Variants in MBOAT1 observed in about 807,000 individuals in gnomAD.
The protein encoded by MBOAT1 is membrane-bound glycerophospholipid O-acyltransferase 1.
MBOAT1 carries 67 observed loss-of-function variants against 64.4 expected under a neutral mutation model. That is an observed-to-expected ratio of 1.04 (90% CI 0.85 to 1.27). The LOEUF (loss-of-function observed/expected upper bound fraction) is 1.27. Ranked by LOEUF, MBOAT1 falls within the 50% of genes most tolerant of loss-of-function variation. The probability of loss-of-function intolerance (pLI) is 0.00; values close to 1 mark genes in which losing one functional copy is unlikely to be tolerated. For missense variants in MBOAT1, 563 were observed against 604.6 expected, an observed-to-expected ratio of 0.93 and a Z score of 0.72; for synonymous variants, 229 against 218.9, an observed-to-expected ratio of 1.05 and a Z score of -0.41.
chr6:20,151,151 T>A (rs1761480675), intron 3 of MBOAT1, 34 bp downstream of exon 3: 4 of 1,489,000 alleles, frequency 2.7e-6, no homozygotes, highest in Non-Finnish European at 2.8e-6. Flanking sequence ...AAAAAGAAAA[T>A]CTCACCTTGC....
intron 4 of MBOAT1, among the ~76,000 whole-genome samples, chr6:20,136,980 AG>A (rs1761015026): frequency 6.6e-6 from 1 of 152,228 alleles, no homozygotes; most frequent in Non-Finnish European, 1.5e-5. Flanking sequence ...GAGGCATAGT[AG>A]CACCATAATT....
At chr6:20,141,878 C>A (rs931910012) in intron 4 of MBOAT1, among the ~76,000 whole-genome samples, 2 of 151,984 alleles carry the variant, frequency 1.3e-5, no homozygotes, top group South Asian at 2.1e-4. Context: ...CACAAGGATG[C>A]GGGTAATAAA....
At chr6:20,128,890 AT>A (rs200663812) in intron 5 of MBOAT1, 137 bp from the exon 6 acceptor site, 2,570 of 560,982 alleles carry the variant, frequency 4.6e-3, no homozygotes, top group East Asian at 6.1e-3. Context: ...CCTGTTTTTC[AT>A]TTTTTTTTAA....
intron 1 of MBOAT1, among the ~76,000 whole-genome samples, chr6:20,170,147 C>T (rs532466496): frequency 2.6e-5 from 4 of 152,280 alleles, no homozygotes; most frequent in Admixed American, 2.0e-4. Context: ...TGATGATGCC[C>T]TTCTAGGGGC....
At chr6:20,132,533 T>C (rs1760861118) in intron 4 of MBOAT1, among the ~76,000 whole-genome samples, 1 of 152,176 alleles carries the variant, frequency 6.6e-6, no homozygotes, top group South Asian at 2.1e-4. Flanking sequence ...ACAAATGGTA[T>C]TGGGACAATG....
intron 4 of MBOAT1, among the ~76,000 whole-genome samples, chr6:20,140,063 C>A (rs1479765945): frequency 6.6e-6 from 1 of 151,998 alleles, no homozygotes; most frequent in Non-Finnish European, 1.5e-5. Context: ...TCACATAAGC[C>A]CCAGCCACTA....
Position 20,109,668 on chromosome 6 carries a change from G to A in MBOAT1, c.1291C>T (p.Gln431Ter), listed in dbSNP as rs200183074. Reference protein sequence around the residue: ...VYDAGTWAVTQLAVSYTVAPF... With the variant: ...VYDAGTWAVT Reference sequence around the variant, plus strand: ...GCTACCGTGTAAGAGACAGCCAGCTGAGTGACGGCCCAGGTGCCTGCATCA... The same window carrying A: ...GCTACCGTGTAAGAGACAGCCAGCTAAGTGACGGCCCAGGTGCCTGCATCA... Residue 431 changes from glutamine (Q) to a stop codon, truncating the protein, a stop_gained, in exon 12 of 13, where the codon CAG becomes TAG. Coordinates refer to ENST00000324607, the MANE Select transcript of MBOAT1 (RefSeq NM_001080480.3). LOFTEE classifies it high-confidence loss of function. The A allele has an allele frequency of 5.0e-6, 8 of 1,614,072 alleles. No homozygotes were observed. The highest frequency in any genetic ancestry group is 3.3e-5 in the Admixed American group (2 of 60,000).
At chr6:20,123,900 CAA>C (rs58608380) in intron 8 of MBOAT1, among the ~76,000 whole-genome samples, 1 of 151,768 alleles carries the variant, frequency 6.6e-6, no homozygotes, top group Non-Finnish European at 1.5e-5. Flanking sequence ...ACTAAAAATA[CAA>C]AAAAAATTAG....
At chr6:20,119,565 C>T (rs1387686046) in intron 8 of MBOAT1, among the ~76,000 whole-genome samples, 1 of 152,158 alleles carries the variant, frequency 6.6e-6, no homozygotes, top group Non-Finnish European at 1.5e-5. Context: ...AAACAACCTG[C>T]CCTACGTCTG....
chr6:20,195,960 T>G (rs976009820), intron 1 of MBOAT1, among the ~76,000 whole-genome samples: 2 of 151,882 alleles, frequency 1.3e-5, no homozygotes, highest in African/African-American at 2.4e-5. Context: ...AAGCTAAGAT[T>G]TATCCCAAAG....
intron 1 of MBOAT1, among the ~76,000 whole-genome samples, chr6:20,171,204 A>G (rs774702563): frequency 6.6e-5 from 10 of 151,798 alleles, no homozygotes; most frequent in Non-Finnish European, 1.5e-4. Flanking sequence ...ACTTCAGTAA[A>G]AGTGTTCCTC....
At chr6:20,105,091 T>C (rs1759912208) in intron 12 of MBOAT1, among the ~76,000 whole-genome samples, 1 of 152,244 alleles carries the variant, frequency 6.6e-6, no homozygotes, top group African/African-American at 2.4e-5. Context: ...TTAACAGGTA[T>C]AGACTGGGAT....
chr6:20,108,616 C>T (rs1381115807), intron 12 of MBOAT1, among the ~76,000 whole-genome samples: 2 of 152,186 alleles, frequency 1.3e-5, no homozygotes, highest in African/African-American at 2.4e-5. Flanking sequence ...GAATTCCCAA[C>T]TTAGGAAGAA....
chr6:20,110,557 T>C (rs556763235), intron 11 of MBOAT1, among the ~76,000 whole-genome samples: 34 of 151,664 alleles, frequency 2.2e-4, no homozygotes, highest in Non-Finnish European at 4.6e-4. Context: ...ATAATATGTG[T>C]TCACTGTAGA....
At chr6:20,196,384 C>G (rs1009825174) in intron 1 of MBOAT1, among the ~76,000 whole-genome samples, 1 of 152,014 alleles carries the variant, frequency 6.6e-6, no homozygotes, top group Non-Finnish European at 1.5e-5. Flanking sequence ...TATTAAATGT[C>G]CAGGAGAGGC....
At chr6:20,129,768 T>C (rs1036815175) in intron 5 of MBOAT1, among the ~76,000 whole-genome samples, 1 of 152,196 alleles carries the variant, frequency 6.6e-6, no homozygotes, top group African/African-American at 2.4e-5. Context: ...ATTTTGGCTA[T>C]TGATTTCAGT....
intron 1 of MBOAT1, among the ~76,000 whole-genome samples, chr6:20,164,660 C>T (rs989698728): frequency 6.6e-6 from 1 of 151,952 alleles, no homozygotes; most frequent in African/African-American, 2.4e-5. Flanking sequence ...TTTTAAGTTC[C>T]AAGGTGATTT....
chr6:20,185,030 G>A (rs78204684), intron 1 of MBOAT1, among the ~76,000 whole-genome samples: 74 of 152,016 alleles, frequency 4.9e-4, no homozygotes, highest in African/African-American at 1.6e-3. Flanking sequence ...TGAGAGGATC[G>A]CTTGAGGCAA....
chr6:20,139,887 T>C (rs1761120592), intron 4 of MBOAT1, among the ~76,000 whole-genome samples: 1 of 152,096 alleles, frequency 6.6e-6, no homozygotes, highest in Non-Finnish European at 1.5e-5. Context: ...AATATGTAAC[T>C]AGACATTCAT....
Sources: allele counts gnomAD v4.1 joint callset (sites outside exome capture counted in the v4.1 genomes callset), GRCh38; gene constraint gnomAD v4.1.1; transcripts MANE v1.5; gene names NCBI Gene and HGNC (gene_info 2026-07-23, HGNC 2026-07-21).